SCHIP1: variants seen among roughly 807,000 people sequenced by gnomAD.
The protein encoded by SCHIP1 is schwannomin interacting protein 1, also known as schwannomin-interacting protein 1.
A neutral mutation model predicts 29.7 loss-of-function variants in SCHIP1; 8 were observed. The ratio of observed to expected loss-of-function variants is 0.27; its 90% CI spans 0.16 to 0.49. The LOEUF is 0.49. Ranked by LOEUF, SCHIP1 falls within the 20% of genes least tolerant of loss-of-function variation. SCHIP1 has a pLI of 0.99. For synonymous variants in SCHIP1, 76 were observed against 94.9 expected (o/e 0.80, Z 1.16); for missense variants, 193 against 294.6 (o/e 0.66, Z 2.52).
the SCHIP1 span, among the ~76,000 whole-genome samples, chr3:159,388,382 T>A: frequency 6.6e-6 from 1 of 152,042 alleles, no homozygotes; most frequent in Non-Finnish European, 1.5e-5. Context: ...ATGTAAAACC[T>A]AAATGAAGGG....
At chr3:159,409,258 A>T in the SCHIP1 span, among the ~76,000 whole-genome samples, 1 of 152,086 alleles carries the variant, frequency 6.6e-6, no homozygotes, top group Non-Finnish European at 1.5e-5. Flanking sequence ...CACCACCATT[A>T]TTCAATATAA....
intron 4 of SCHIP1, 139 bp downstream of exon 5, chr3:159,888,044 TAA>T (rs1336181957): frequency 5.1e-6 from 6 of 1,186,748 alleles, no homozygotes; most frequent in South Asian, 3.2e-5. Flanking sequence ...GAGAAATGAT[TAA>T]GTTTGTTTCT....
At chr3:159,686,811 G>A in the SCHIP1 span, among the ~76,000 whole-genome samples, 42 of 152,262 alleles carry the variant, frequency 2.8e-4, no homozygotes, top group African/African-American at 8.7e-4. Context: ...ATTAAACTCT[G>A]TCTCTTTTGG....
At chr3:159,672,052 C>G in the SCHIP1 span, among the ~76,000 whole-genome samples, 1 of 152,156 alleles carries the variant, frequency 6.6e-6, no homozygotes, top group Non-Finnish European at 1.5e-5. Context: ...ATAATTGGAA[C>G]CTCAAATGTC....
the SCHIP1 span, among the ~76,000 whole-genome samples, chr3:159,772,675 A>T: frequency 1.3e-5 from 2 of 152,180 alleles, no homozygotes; most frequent in Admixed American, 1.3e-4. Context: ...ATTAGTGCTA[A>T]AGTAGTAATT....
chr3:159,392,958 G>A, the SCHIP1 span, among the ~76,000 whole-genome samples: 109 of 152,138 alleles, frequency 7.2e-4, 1 homozygote, highest in African/African-American at 2.4e-3. Flanking sequence ...ACCTCTCCAC[G>A]TCCTCTCCAG....
chr3:159,588,041 C>T, the SCHIP1 span, among the ~76,000 whole-genome samples: 1 of 152,192 alleles, frequency 6.6e-6, no homozygotes, highest in Admixed American at 6.5e-5. Flanking sequence ...GAGAAATCAC[C>T]ACACTGTCTT....
the SCHIP1 span, among the ~76,000 whole-genome samples, chr3:159,809,383 A>G: frequency 6.6e-6 from 1 of 152,128 alleles, no homozygotes; most frequent in Non-Finnish European, 1.5e-5. Flanking sequence ...AATCCAGTCT[A>G]TCATTGATGG....
the SCHIP1 span, among the ~76,000 whole-genome samples, chr3:159,696,413 C>T: frequency 5.9e-5 from 9 of 152,300 alleles, no homozygotes; most frequent in East Asian, 9.6e-4. Flanking sequence ...CTCAGTTTGC[C>T]ATGTGTCACC....
chr3:159,861,940 A>G lies in SCHIP1; in HGVS notation c.31-4223A>G, dbSNP rs1030639116. ...TGGAAGACATATTTGCCTTGCAGGT[A>G]TAATTCCTCAGAGAACAAACCGCCC... On this transcript the variant is annotated intron_variant, in intron 1 of 6. Transcript: ENST00000445224. This position sits in a 1 kb window ranked among gnomAD's most constrained non-coding sequence, Gnocchi z 4.1. Among the ~76,000 whole-genome samples the G allele has an allele frequency of 2.4e-4, 37 of 152,298 alleles. No individual in the cohort carries two copies. The highest frequency in any genetic ancestry group is 7.7e-4 in the African/African-American group (32 of 41,572).
At chr3:159,445,810 G>A in the SCHIP1 span, among the ~76,000 whole-genome samples, 3 of 140,654 alleles carry the variant, frequency 2.1e-5, no homozygotes, top group African/African-American at 5.3e-5. Flanking sequence ...CTCACTCATA[G>A]ATGGGAATTG....
the SCHIP1 span, among the ~76,000 whole-genome samples, chr3:159,506,880 T>C: frequency 3.3e-5 from 5 of 152,354 alleles, no homozygotes; most frequent in East Asian, 9.6e-4. Flanking sequence ...CCTTGTAACA[T>C]AGTTTGAAGT....
the SCHIP1 span, among the ~76,000 whole-genome samples, chr3:159,369,075 G>A: frequency 6.6e-6 from 1 of 152,128 alleles, no homozygotes; most frequent in South Asian, 2.1e-4. Flanking sequence ...CCTGCCCCAT[G>A]GAGGGCTTCT....
chr3:159,429,231 A>G, the SCHIP1 span, among the ~76,000 whole-genome samples: 135 of 152,090 alleles, frequency 8.9e-4, no homozygotes, highest in African/African-American at 3.2e-3. Flanking sequence ...TAAGAAAAAA[A>G]AAAAAAGAAT....
the SCHIP1 span, among the ~76,000 whole-genome samples, chr3:159,754,296 A>C: frequency 6.8e-3 from 1,043 of 152,350 alleles, 14 homozygotes; most frequent in African/African-American, 0.024. Flanking sequence ...ACCTATCCTG[A>C]CACCTGGTAT....
the SCHIP1 span, among the ~76,000 whole-genome samples, chr3:159,694,296 C>T: frequency 2.0e-5 from 3 of 151,950 alleles, no homozygotes; most frequent in Non-Finnish European, 2.9e-5. Flanking sequence ...AAGGCGGGCA[C>T]ATCACCTGAG....
At chr3:159,565,938 C>T in the SCHIP1 span, among the ~76,000 whole-genome samples, 382 of 152,266 alleles carry the variant, frequency 2.5e-3, 1 homozygote, top group African/African-American at 8.8e-3. Flanking sequence ...TAATCACTTA[C>T]TCTATATATG....
chr3:159,774,290 T>G, the SCHIP1 span, among the ~76,000 whole-genome samples: 1 of 152,238 alleles, frequency 6.6e-6, no homozygotes, highest in East Asian at 1.9e-4. Context: ...TTCTTTTTGT[T>G]GTCTGTGTGT....
At chr3:159,597,399 G>A in the SCHIP1 span, among the ~76,000 whole-genome samples, 1 of 152,072 alleles carries the variant, frequency 6.6e-6, no homozygotes, top group South Asian at 2.1e-4. Flanking sequence ...TCTTACATAG[G>A]TTTGTACCCT....
Sources: allele counts gnomAD v4.1 joint callset (sites outside exome capture counted in the v4.1 genomes callset), GRCh38; gene constraint gnomAD v4.1.1; non-coding constraint Gnocchi (gnomAD v3.1); transcripts MANE v1.5; gene names NCBI Gene and HGNC (gene_info 2026-07-23, HGNC 2026-07-21).